Variants in DGLUCY observed in about 807,000 individuals in gnomAD.
DGLUCY encodes the protein D-glutamate cyclase, mitochondrial.
Under a neutral mutation model 58.5 loss-of-function variants are expected in DGLUCY, and 58 were observed. The observed-to-expected ratio is 0.99, with a 90% confidence interval of 0.80 to 1.23. The LOEUF (loss-of-function observed/expected upper bound fraction) is 1.23, where lower values mean the gene tolerates loss of function less well. Ranked by LOEUF, DGLUCY falls within the 50% of genes most tolerant of loss-of-function variation. DGLUCY has a pLI of 0.00. For synonymous variants in DGLUCY, 325 were observed against 314.1 expected (o/e 1.03, Z -0.37); for missense variants, 779 against 784.7 (o/e 0.99, Z 0.09).
chr14:91,181,580 G>A (rs1161784768), intron 8 of DGLUCY, among the ~76,000 whole-genome samples, 191 bp downstream of exon 8: 4 of 151,912 alleles, frequency 2.6e-5, no homozygotes, highest in African/African-American at 9.7e-5. Flanking sequence ...GACATTGATG[G>A]TCTCTAGGTA....
At chr14:91,122,258 G>A (rs1267731131) in intron 1 of DGLUCY, among the ~76,000 whole-genome samples, 10 of 151,480 alleles carry the variant, frequency 6.6e-5, no homozygotes, top group African/African-American at 1.2e-4. Flanking sequence ...TTGACCTCCC[G>A]GGCTCCCACC....
rs1566925850 is a variant in DGLUCY at position 91,062,612 on chromosome 14, A to ATAT, written c.-82+1908_-82+1909insTAT. Reference sequence around the variant, plus strand: ...ATATATATATATATATATATATATAAACAATCCTTAGCTCAAGGGCAGTTA... The same window carrying ATAT: ...ATATATATATATATATATATATATAATATACAATCCTTAGCTCAAGGGCAGTTA... On this transcript the variant is annotated intron_variant, in intron 1 of 4. Coordinates refer to the DGLUCY transcript ENST00000521334. Among the ~76,000 whole-genome samples, 100 of 28,690 alleles carry ATAT rather than the reference A, an allele frequency of 3.5e-3. 16 individuals carry two copies. Among genetic ancestry groups the ATAT allele is most frequent in the South Asian group, 8.4e-3 (5 of 598 alleles). 18.8% of individuals were successfully genotyped at this position (28,690 alleles called of 152,430 possible). A position where few individuals can be genotyped will look rare whatever the true frequency, so the allele number is the denominator to read the frequency against.
chr14:91,077,963 C>A (rs944172804), intron 1 of DGLUCY, among the ~76,000 whole-genome samples: 1 of 152,166 alleles, frequency 6.6e-6, no homozygotes, highest in African/African-American at 2.4e-5. Flanking sequence ...CACAAACAGA[C>A]TCTGCTTGTA....
intron 1 of DGLUCY, among the ~76,000 whole-genome samples, chr14:91,152,982 T>C (rs766981057): frequency 1.7e-4 from 26 of 152,160 alleles, no homozygotes; most frequent in Non-Finnish European, 3.4e-4. Context: ...TGGGATAAAC[T>C]GGAAGAAGGA....
chr14:91,112,045 C>G (rs2044711443), upstream of DGLUCY, among the ~76,000 whole-genome samples: 1 of 151,702 alleles, frequency 6.6e-6, no homozygotes, highest in African/African-American at 2.4e-5. Flanking sequence ...CGAGACCAGC[C>G]TGACCAGCGT....
intron 12 of DGLUCY, among the ~76,000 whole-genome samples, chr14:91,206,052 C>G (rs987996234): frequency 8.6e-5 from 13 of 151,758 alleles, no homozygotes; most frequent in African/African-American, 3.1e-4. Flanking sequence ...ATTGGCCAGG[C>G]TGGTCTCGAA....
At chr14:91,097,314 T>A (rs903039944) in intron 1 of DGLUCY, among the ~76,000 whole-genome samples, 1 of 152,170 alleles carries the variant, frequency 6.6e-6, no homozygotes, top group African/African-American at 2.4e-5. Flanking sequence ...GAGGGTTGCT[T>A]GAGGCCAGGA....
chr14:91,186,719 T>C (rs2049545573), intron 8 of DGLUCY, among the ~76,000 whole-genome samples: 1 of 152,128 alleles, frequency 6.6e-6, no homozygotes, highest in Admixed American at 6.5e-5. Context: ...ACTCGCTGGC[T>C]CCAGTGGAAT....
chr14:91,155,084 C>G (rs1309995150), intron 1 of DGLUCY, among the ~76,000 whole-genome samples: 2 of 152,206 alleles, frequency 1.3e-5, no homozygotes, highest in African/African-American at 4.8e-5. Flanking sequence ...CTCCTCCACC[C>G]TGAGTCCACA....
chr14:91,170,073 T>G lies in DGLUCY; in HGVS notation c.328T>G (p.Tyr110Asp). ...CGGCAGCCTGGCTTCGCTGGAGCAG[T>G]ACTCGGAGCAGCTGAAGGACATGGT... Reference protein sequence around the residue: ...CTGSLASLEQYSEQLKDMVAF... With the variant: ...CTGSLASLEQDSEQLKDMVAF... Residue 110 changes from tyrosine to aspartate, a missense_variant, in exon 5 of 14, where the codon TAC becomes GAC. Transcript: ENST00000256324. 6.2e-7 allele frequency: 1 copy of G among 1,612,554 alleles called. No homozygotes were observed. The highest frequency in any genetic ancestry group is 8.5e-7 in the Non-Finnish European group (1 of 1,180,004).
At chr14:91,148,066 T>TG (rs936264137) in intron 1 of DGLUCY, among the ~76,000 whole-genome samples, 4 of 151,950 alleles carry the variant, frequency 2.6e-5, no homozygotes, top group African/African-American at 9.7e-5. Flanking sequence ...CCCAGCTACT[T>TG]GGGAGGGTGA....
intron 4 of DGLUCY, among the ~76,000 whole-genome samples, chr14:91,168,783 G>A (rs898752675): frequency 2.0e-5 from 3 of 152,170 alleles, no homozygotes; most frequent in Non-Finnish European, 4.4e-5. Context: ...TTAGGGTTAC[G>A]AGCTCTTTAA....
At chr14:91,188,501 C>T (rs976609786) in intron 8 of DGLUCY, among the ~76,000 whole-genome samples, 1 of 152,170 alleles carries the variant, frequency 6.6e-6, no homozygotes, top group Non-Finnish European at 1.5e-5. Context: ...AAAACCCAAA[C>T]TACTCTTACT....
intron 1 of DGLUCY, among the ~76,000 whole-genome samples, chr14:91,117,878 G>A (rs1479929560): frequency 6.6e-6 from 1 of 152,120 alleles, no homozygotes; most frequent in Non-Finnish European, 1.5e-5. Flanking sequence ...AGGTATTCAG[G>A]TCATAGGTAG....
Position 91,163,393 on chromosome 14 carries a change from G to A in DGLUCY, c.103+2996G>A, listed in dbSNP as rs143698814. On this transcript the variant is annotated intron_variant, in intron 3 of 13. Coordinates refer to ENST00000256324, the MANE Select transcript of DGLUCY (RefSeq NM_001102368.3). ...CTCGCTCCAGATAACTTTTGGAGCC[G>A]TGCTGGGCTTGCTTGAGACTGGCAT... Among the ~76,000 whole-genome samples, 565 of 152,326 alleles carry A rather than the reference G, an allele frequency of 3.7e-3. 6 individuals are homozygous for A. Among genetic ancestry groups the A allele is most frequent in the African/African-American group, 0.013 (536 of 41,578 alleles).
chr14:91,196,928 A>C lies in DGLUCY; in HGVS notation c.1295+454A>C, dbSNP rs77113945. Among the ~76,000 whole-genome samples, 893 of 152,184 alleles carry C rather than the reference A, an allele frequency of 5.9e-3. 7 individuals carry two copies. The highest frequency in any genetic ancestry group is 0.021 in the African/African-American group (861 of 41,500). ...CTCCCTCATAAGACTGTGTACATGC[A>C]AGTGTGTGTATTTCTTACTGTGTGT... On this transcript the variant is annotated intron_variant, in intron 10 of 13. Coordinates refer to ENST00000256324, the MANE Select transcript of DGLUCY (RefSeq NM_001102368.3).
At chr14:91,078,354 G>A (rs1351866668) in intron 1 of DGLUCY, among the ~76,000 whole-genome samples, 2 of 152,178 alleles carry the variant, frequency 1.3e-5, no homozygotes, top group African/African-American at 4.8e-5. Flanking sequence ...TGAAAAACTG[G>A]ATTTAATAAC....
In DGLUCY at chr14:91,141,612, C is replaced by T. The variant is rs575350367; in HGVS notation, c.-81-16027C>T. The stretch of plus-strand genomic sequence containing the variant: ...CTGTCGCCAGGCTGGAGTGCAATGG[C>T]GCAATTTTGGCTCACTGCAACCTCC... On this transcript the variant is annotated intron_variant, in intron 1 of 13. Coordinates refer to ENST00000256324, the MANE Select transcript of DGLUCY (RefSeq NM_001102368.3). Among the ~76,000 whole-genome samples the T allele has an allele frequency of 1.0e-3, 145 of 142,056 alleles. 2 individuals carry two copies. The South Asian group carries it at 0.017, about 17-fold the overall frequency. 93.2% of individuals were successfully genotyped at this position (142,056 alleles called of 152,430 possible). A position where few individuals can be genotyped will look rare whatever the true frequency, so the allele number is the denominator to read the frequency against.
chr14:91,090,563 G>A (rs2044294474), intron 1 of DGLUCY, among the ~76,000 whole-genome samples: 1 of 152,158 alleles, frequency 6.6e-6, no homozygotes, highest in South Asian at 2.1e-4. Flanking sequence ...TCTGCCTCCT[G>A]CCATGGCTCT....
Sources: gnomAD v4.1 joint callset for allele counts (sites outside exome capture counted in the v4.1 genomes callset) on GRCh38, gnomAD v4.1.1 for gene constraint, MANE v1.5 for transcripts, NCBI Gene and HGNC (gene_info 2026-07-23, HGNC 2026-07-21) for gene names.